GYPB: variants seen among roughly 807,000 people sequenced by gnomAD.
GYPB encodes glycophorin-B.
In GYPB, 13 loss-of-function variants were observed where a neutral mutation model predicts 15.3. The ratio of observed to expected loss-of-function variants is 0.85; its 90% CI spans 0.55 to 1.35. The LOEUF (loss-of-function observed/expected upper bound fraction) is 1.35, where lower values mean the gene tolerates loss of function less well. GYPB is among the 40% of genes most tolerant of loss of function. The pLI is 0.00. For missense variants in GYPB, 131 were observed against 108.3 expected (o/e 1.21, Z -0.93); for synonymous variants, 38 against 36.9 (o/e 1.03, Z -0.11).
chr4:144,015,941 GGTCATTT>G lies in GYPB; in HGVS notation c.37+3303_37+3309del, dbSNP rs1378601387. On this transcript the variant is annotated intron_variant, in intron 1 of 4. Transcript: ENST00000502664. ...CTAAACTAGTCTGCCACAAAATTCTGGTCATTTGTCATTTGTCATTTTGAGTAGTTGA... is the reference window on the plus strand; with the variant it reads ...CTAAACTAGTCTGCCACAAAATTCTGGTCATTTGTCATTTTGAGTAGTTGA... Among the ~76,000 whole-genome samples the G allele has an allele frequency of 6.6e-5, 10 of 151,060 alleles. No homozygotes were observed. In the East Asian group the frequency reaches 1.9e-3, roughly 29 times the overall value.
chr4:144,002,685 T>A, intron 1 of GYPB: 1 of 1,286,544 alleles, frequency 7.8e-7, no homozygotes, highest in Non-Finnish European at 1.0e-6. Flanking sequence ...AGCTGAATGC[T>A]CAAAGTTTCC....
intron 1 of GYPB, among the ~76,000 whole-genome samples, chr4:144,015,683 C>T (rs1037675387): frequency 1.3e-5 from 2 of 151,360 alleles, no homozygotes; most frequent in South Asian, 2.1e-4. Flanking sequence ...TCTATTCAGA[C>T]CTTTTCTGCA....
intron 1 of GYPB, among the ~76,000 whole-genome samples, chr4:144,003,312 C>T (rs529011617): frequency 1.3e-5 from 2 of 150,598 alleles, no homozygotes; most frequent in African/African-American, 5.0e-5. Context: ...AAAAAACATG[C>T]GGGAGCTTTG....
In GYPB at chr4:144,001,193, T is replaced by A. The variant is rs572009766; in HGVS notation, c.128A>T (p.Gln43Leu). 12 of 1,612,910 alleles carry A rather than the reference T, an allele frequency of 7.4e-6. No homozygotes were observed. Among genetic ancestry groups the A allele is most frequent in the Middle Eastern group, 1.7e-4 (1 of 6,056 alleles). The change falls in exon 2 of 5, where the codon CAG (glutamine) becomes CTG (leucine). Residue 43 changes from glutamine to leucine, a missense_variant. Gln to Leu is a moderately radical substitution (Grantham distance 113, BLOSUM62 -2). Transcript: ENST00000502664. ...SSVTKSYISS[Q>L]TNGETGQLVH... ...TAAAAATGAAAACAAACCATTTGTC[T>A]GTGATGAGATGTAACTCTTTGTGAC...
intron 4 of GYPB, among the ~76,000 whole-genome samples, chr4:143,997,140 C>A (rs563091894): frequency 6.6e-6 from 1 of 151,170 alleles, no homozygotes; most frequent in Non-Finnish European, 1.5e-5. Context: ...CTGCTGAGCT[C>A]AAGCAATCCT....
At chr4:143,999,762 G>T (rs1200596374) in intron 2 of GYPB, among the ~76,000 whole-genome samples, 1 of 151,468 alleles carries the variant, frequency 6.6e-6, no homozygotes, top group Non-Finnish European at 1.5e-5. Context: ...AAGAAGCAAT[G>T]CATTTTTAAA....
chr4:144,006,693 T>C (rs1165970537), intron 1 of GYPB, among the ~76,000 whole-genome samples: 63 of 152,046 alleles, frequency 4.1e-4, no homozygotes, highest in African/African-American at 1.2e-3. Context: ...AGCAAACTCT[T>C]ACAAGGACAC....
At chr4:144,004,453 G>A (rs1727786936) in intron 1 of GYPB, among the ~76,000 whole-genome samples, 1 of 151,928 alleles carries the variant, frequency 6.6e-6, no homozygotes, top group African/African-American at 2.4e-5. Flanking sequence ...CATCTTGAAG[G>A]AACAATAGTT....
chr4:143,999,607 T>G (rs1025573694), intron 2 of GYPB, among the ~76,000 whole-genome samples, 158 bp from the exon 3 acceptor site: 15 of 151,504 alleles, frequency 9.9e-5, no homozygotes, highest in Admixed American at 3.3e-4. Context: ...ATTTATGAGG[T>G]AATGTGTCAG....
chr4:144,018,373 C>T (rs1579076112), intron 1 of GYPB, among the ~76,000 whole-genome samples: 3 of 151,042 alleles, frequency 2.0e-5, no homozygotes, highest in Non-Finnish European at 4.4e-5. Context: ...AAATGCTGAT[C>T]TCTCTTCCCT....
chr4:143,996,171 A>T lies in GYPB; in HGVS notation c.*128T>A, dbSNP rs1442624694. 3 of 1,529,618 alleles carry T rather than the reference A, an allele frequency of 2.0e-6. No homozygotes were observed. The Admixed American group carries it at 6.0e-5, about 31-fold the overall frequency. 94.8% of individuals were successfully genotyped at this position (1,529,618 alleles called of 1,614,324 possible). A position where few individuals can be genotyped will look rare whatever the true frequency, so the allele number is the denominator to read the frequency against. ...TACAGTAATAGTGAGGCAGGAGAAC[A>T]GGGAATTAGGATAGCCAGGGGTAGG... On this transcript the variant is annotated 3_prime_UTR_variant, in exon 5 of 5. Transcript: ENST00000502664.
At chr4:144,003,117 T>A (rs1320346918) in intron 1 of GYPB, among the ~76,000 whole-genome samples, 2 of 151,466 alleles carry the variant, frequency 1.3e-5, no homozygotes, top group Non-Finnish European at 2.9e-5. Context: ...AGAAAGACAT[T>A]TTTATGAGTC....
intron 1 of GYPB, among the ~76,000 whole-genome samples, chr4:144,009,978 T>C (rs902040959): frequency 6.6e-6 from 1 of 151,262 alleles, no homozygotes; most frequent in Non-Finnish European, 1.5e-5. Flanking sequence ...TATACAAAAC[T>C]AGGGGGCCAG....
intron 1 of GYPB, among the ~76,000 whole-genome samples, chr4:144,001,606 G>A (rs2149958473): frequency 6.6e-6 from 1 of 151,402 alleles, no homozygotes; most frequent in Middle Eastern, 3.4e-3. Flanking sequence ...GTTTAAATAT[G>A]TGTGTGTATG....
chr4:143,997,707 C>T (rs1430603494), intron 3 of GYPB, 73 bp from the exon 4 acceptor site: 1 of 800,796 alleles, frequency 1.2e-6, no homozygotes, highest in Non-Finnish European at 2.2e-6. Context: ...AGACAGATAA[C>T]ATCAGCATAA....
intron 1 of GYPB, chr4:144,008,488 T>C (rs1292561624): frequency 8.8e-6 from 4 of 455,110 alleles, no homozygotes; most frequent in South Asian, 1.5e-5. Flanking sequence ...AGAAGATGGT[T>C]CTGGTTATTA....
chr4:144,012,261 G>A (rs1434338514), intron 1 of GYPB, among the ~76,000 whole-genome samples: 19 of 151,570 alleles, frequency 1.3e-4, no homozygotes, highest in Non-Finnish European at 1.5e-5. Flanking sequence ...GTATGGTACA[G>A]GCAACATAAC....
At chr4:143,999,761 T>A (rs1318698745) in intron 2 of GYPB, among the ~76,000 whole-genome samples, 1 of 151,514 alleles carries the variant, frequency 6.6e-6, no homozygotes, top group Non-Finnish European at 1.5e-5. Context: ...CAAGAAGCAA[T>A]GCATTTTTAA....
At chr4:144,012,712 A>G (rs1403748110) in intron 1 of GYPB, 10 of 151,620 alleles carry the variant, frequency 6.6e-5, no homozygotes, top group Admixed American at 3.3e-4. Flanking sequence ...AGACCATTCA[A>G]TGGGCAAAGG....
Sources: allele counts gnomAD v4.1 joint callset (sites outside exome capture counted in the v4.1 genomes callset), GRCh38; gene constraint gnomAD v4.1.1; transcripts MANE v1.5; gene names NCBI Gene and HGNC (gene_info 2026-07-23, HGNC 2026-07-21).